The following SLC13A3 variants were observed in gnomAD, a reference collection of about 807,000 sequenced individuals.
SLC13A3 encodes Na(+)/dicarboxylate cotransporter 3.
SLC13A3 carries 40 observed loss-of-function variants against 59.0 expected under a neutral mutation model. That is an observed-to-expected ratio of 0.68 (90% CI 0.53 to 0.88). The LOEUF (loss-of-function observed/expected upper bound fraction) is 0.88, where lower values mean the gene tolerates loss of function less well. Ranked by LOEUF, SLC13A3 falls within the 40% of genes least tolerant of loss-of-function variation. The probability of loss-of-function intolerance (pLI) is 0.00; values close to 1 mark genes in which losing one functional copy is unlikely to be tolerated. For synonymous variants in SLC13A3, 317 were observed against 330.3 expected, an observed-to-expected ratio of 0.96 and a Z score of 0.44; for missense variants, 699 against 783.2, an observed-to-expected ratio of 0.89 and a Z score of 1.28.
chr20:46,599,638 T>C (rs2062352771), intron 4 of SLC13A3, among the ~76,000 whole-genome samples: 1 of 152,250 alleles, frequency 6.6e-6, no homozygotes, highest in Non-Finnish European at 1.5e-5. Flanking sequence ...TAACCCTGCC[T>C]GCAACCCTCT....
intron 1 of SLC13A3, among the ~76,000 whole-genome samples, chr20:46,636,919 G>C (rs537231560): frequency 3.0e-4 from 46 of 151,842 alleles, no homozygotes; most frequent in African/African-American, 1.1e-3. Flanking sequence ...TCCTGCCTTA[G>C]TCTCCTGAGT....
intron 5 of SLC13A3, among the ~76,000 whole-genome samples, chr20:46,595,311 T>C (rs1448727586): frequency 6.6e-6 from 1 of 152,174 alleles, no homozygotes; most frequent in Non-Finnish European, 1.5e-5. Context: ...CATCTTTTCT[T>C]TTCTCTTTTC....
chr20:46,662,465 A>C (rs1453922484), intron 1 of SLC13A3, among the ~76,000 whole-genome samples: 3 of 152,192 alleles, frequency 2.0e-5, no homozygotes, highest in Non-Finnish European at 4.4e-5. Flanking sequence ...TTGGGGGAAA[A>C]ACTCAAGTCT....
chr20:46,615,491 C>A (rs1055142494), intron 1 of SLC13A3, among the ~76,000 whole-genome samples: 1 of 152,084 alleles, frequency 6.6e-6, no homozygotes, highest in Admixed American at 6.5e-5. Flanking sequence ...CAACAGACAC[C>A]GGCCACCAGG....
chr20:46,612,586 C>A (rs561723459), intron 2 of SLC13A3, among the ~76,000 whole-genome samples: 2 of 143,150 alleles, frequency 1.4e-5, no homozygotes, highest in South Asian at 4.6e-4. Flanking sequence ...CTACCTGTAC[C>A]AGGGCACAGG....
intron 1 of SLC13A3, among the ~76,000 whole-genome samples, chr20:46,632,168 G>A (rs1467311349): frequency 1.3e-5 from 2 of 152,174 alleles, no homozygotes; most frequent in African/African-American, 2.4e-5. Flanking sequence ...TGCTGCCTAC[G>A]AGAGTCCCAC....
At chr20:46,600,341 A>AAGGG (rs2062365191) in intron 3 of SLC13A3, among the ~76,000 whole-genome samples, 2 of 143,972 alleles carry the variant, frequency 1.4e-5, no homozygotes, top group African/African-American at 2.6e-5. Context: ...GGAAGGAAGG[A>AAGGG]AAGGAAAAGA....
At chr20:46,585,109 G>T in intron 8 of SLC13A3, 1 of 975,402 alleles carries the variant, frequency 1.0e-6, no homozygotes, top group Non-Finnish European at 1.2e-6. Context: ...TGTTTTAAAA[G>T]AATAAATTTG....
intron 1 of SLC13A3, among the ~76,000 whole-genome samples, chr20:46,632,863 C>T (rs2062753941): frequency 1.2e-5 from 1 of 83,560 alleles, no homozygotes; most frequent in South Asian, 4.7e-4. Flanking sequence ...TTCTCTCTTT[C>T]AATAGATAGA....
At chr20:46,656,161 TG>T (rs1339166711), upstream of SLC13A3, among the ~76,000 whole-genome samples, 5 of 144,060 alleles carry the variant, frequency 3.5e-5, no homozygotes, top group Non-Finnish European at 7.6e-5. Flanking sequence ...TGTAATAGAC[TG>T]TACAGTCTGT....
At chr20:46,638,330 G>C (rs1220161902) in intron 1 of SLC13A3, among the ~76,000 whole-genome samples, 3 of 152,208 alleles carry the variant, frequency 2.0e-5, no homozygotes, top group Admixed American at 6.5e-5. Flanking sequence ...ATGTTCCTTT[G>C]CTCTGCCCCT....
chr20:46,635,893 C>T (rs968497335), intron 1 of SLC13A3, among the ~76,000 whole-genome samples: 1 of 152,204 alleles, frequency 6.6e-6, no homozygotes, highest in Non-Finnish European at 1.5e-5. Context: ...AATTCTAATG[C>T]ATTAGCATGC....
In SLC13A3 at chr20:46,589,264, G is replaced by C. The variant is rs2062228098; in HGVS notation, c.921-9C>G. 6.2e-7 allele frequency: 1 copy of C among 1,613,462 alleles called. No homozygotes were observed. Among genetic ancestry groups the C allele is most frequent in the Non-Finnish European group, 8.5e-7 (1 of 1,179,378 alleles). On this transcript the variant is annotated splice_polypyrimidine_tract_variant and intron_variant, in intron 6 of 12. Coordinates refer to ENST00000279027, the MANE Select transcript of SLC13A3 (RefSeq NM_022829.6). The stretch of plus-strand genomic sequence containing the variant: ...TATTCTTCCTCCAGCCCCTGAAACA[G>C]AAAGTGGGAGATTAGGAGTGGCCAC...
chr20:46,585,856 G>A, intron 8 of SLC13A3: 1 of 1,169,076 alleles, frequency 8.6e-7, no homozygotes, highest in Non-Finnish European at 1.1e-6. Flanking sequence ...ACCTTCAGGA[G>A]ATCAGAATTT....
chr20:46,628,679 C>T (rs1012825065), intron 1 of SLC13A3, among the ~76,000 whole-genome samples: 1 of 152,138 alleles, frequency 6.6e-6, no homozygotes, highest in African/African-American at 2.4e-5. Flanking sequence ...ACAGTGGAGC[C>T]CTGGGTCACA....
chr20:46,588,227 G>A (rs1047146437), intron 7 of SLC13A3, 64 bp from the exon 8 acceptor site: 4 of 994,496 alleles, frequency 4.0e-6, no homozygotes, highest in Non-Finnish European at 6.1e-6. Context: ...AGCAGGCACA[G>A]GCTCAGGCAG....
In SLC13A3 at chr20:46,656,515, A is replaced by C. The variant is rs1023975013; in HGVS notation, c.-31+13528T>G. Among the ~76,000 whole-genome samples the C allele has an allele frequency of 2.1e-4, 29 of 140,776 alleles. 2 individuals carry two copies. The highest frequency in any genetic ancestry group is 4.3e-4 in the Non-Finnish European group (28 of 65,702). 92.4% of individuals were successfully genotyped at this position (140,776 alleles called of 152,430 possible). A position where few individuals can be genotyped will look rare whatever the true frequency, so the allele number is the denominator to read the frequency against. ...TGATATACTATACAGTATATATTAT[A>C]CTGTATATGATATATACTATACAGT... On this transcript the variant is annotated intron_variant, in intron 1 of 12. Coordinates refer to the SLC13A3 transcript ENST00000290317.
Position 46,578,905 on chromosome 20 carries a change from GTCATCA to G in SLC13A3, c.1220-3226_1220-3221del, listed in dbSNP as rs754672662. Among the ~76,000 whole-genome samples the G allele has an allele frequency of 3.0e-3, 451 of 151,466 alleles. 7 individuals are homozygous for G. The highest frequency in any genetic ancestry group is 0.01 in the African/African-American group (427 of 41,274). On this transcript the variant is annotated intron_variant, in intron 9 of 12. Coordinates refer to ENST00000279027, the MANE Select transcript of SLC13A3 (RefSeq NM_022829.6). The stretch of plus-strand genomic sequence containing the variant: ...AGAGGAAAGAGAAGTCGTCGTCGTC[GTCATCA>G]TCATCATCATCATCATCATCATCAA...
At chr20:46,610,002 T>C (rs1300149083) in intron 3 of SLC13A3, among the ~76,000 whole-genome samples, 7 of 152,210 alleles carry the variant, frequency 4.6e-5, no homozygotes, top group Admixed American at 3.3e-4. Context: ...TACACGAAAG[T>C]TCCTGTGGCC....
Sources: gnomAD v4.1 joint callset for allele counts (sites outside exome capture counted in the v4.1 genomes callset) on GRCh38, gnomAD v4.1.1 for gene constraint, MANE v1.5 for transcripts, NCBI Gene and HGNC (gene_info 2026-07-23, HGNC 2026-07-21) for gene names.